The following ASAH1 variants were observed in gnomAD, a reference collection of about 807,000 sequenced individuals.
The protein encoded by ASAH1 is acid ceramidase.
A neutral mutation model predicts 59.5 loss-of-function variants in ASAH1; 70 were observed. That is an observed-to-expected ratio of 1.18 (90% confidence interval 0.97 to 1.43). The LOEUF (loss-of-function observed/expected upper bound fraction) is 1.43, where lower values mean the gene tolerates loss of function less well. ASAH1 is among the 40% of genes most tolerant of loss of function. ASAH1 has a pLI of 0.00. For missense variants in ASAH1, 660 were observed against 482.5 expected (o/e 1.37, Z -3.45); for synonymous variants, 213 against 166.5 (o/e 1.28, Z -2.15).
At position 18,057,631 on chromosome 8, in the gene ASAH1, A is replaced by C. The variant is rs774226930; in HGVS notation, c.1099-8T>G. The C allele has an allele frequency of 1.3e-6, 2 of 1,589,694 alleles. No individual in the cohort carries two copies. Among genetic ancestry groups the C allele is most frequent in the Admixed American group, 1.7e-5 (1 of 59,328 alleles). On this transcript the variant is annotated splice_region_variant and splice_polypyrimidine_tract_variant and intron_variant, in intron 13 of 13. Transcript: ENST00000637790. ...GGTTGTGTATACGGTCAGCTGAAAGAAAAGTTATTTTTACTTTAAGGACGT... is the reference window on the plus strand; with the variant it reads ...GGTTGTGTATACGGTCAGCTGAAAGCAAAGTTATTTTTACTTTAAGGACGT...
chr8:18,059,128 G>C (rs1799583384), intron 12 of ASAH1: 1 of 742,798 alleles, frequency 1.3e-6, no homozygotes, highest in South Asian at 1.8e-5. Context: ...CAACTTCAGA[G>C]TGGTATCCAG....
intron 13 of ASAH1, chr8:18,058,270 G>A (rs967853797): frequency 6.5e-6 from 1 of 154,270 alleles, no homozygotes; most frequent in African/African-American, 2.4e-5. Flanking sequence ...GGGTAAAGGC[G>A]GCATGTTTAC....
rs140500107 is a variant in ASAH1 at position 18,077,654 on chromosome 8, A to G, written c.79-2067T>C. 3.4e-3 allele frequency among the ~76,000 whole-genome samples: 523 copies of G among 152,310 alleles called. 2 individuals are homozygous for G. The highest frequency in any genetic ancestry group is 0.012 in the African/African-American group (511 of 41,564). On this transcript the variant is annotated intron_variant, in intron 1 of 13. Coordinates refer to ENST00000637790, the MANE Select transcript of ASAH1 (RefSeq NM_177924.5). ...CCCAAAGTCCAGGACAAGGGTTCTCAATGACATGTAAAATAATTTCATTTT... is the reference window on the plus strand; with the variant it reads ...CCCAAAGTCCAGGACAAGGGTTCTCGATGACATGTAAAATAATTTCATTTT...
At chr8:18,080,073 C>G (rs1019046103) in intron 1 of ASAH1, among the ~76,000 whole-genome samples, 1 of 152,180 alleles carries the variant, frequency 6.6e-6, no homozygotes, top group Non-Finnish European at 1.5e-5. Context: ...ATGGATTACA[C>G]CTGTGTGTTC....
At chr8:18,068,373 G>A (rs1800018415) in intron 4 of ASAH1, 1 of 152,296 alleles carries the variant, frequency 6.6e-6, no homozygotes, top group African/African-American at 2.4e-5. Flanking sequence ...CGGGGAACGT[G>A]GGGGCCTCAT....
intron 2 of ASAH1, among the ~76,000 whole-genome samples, chr8:18,072,813 A>G (rs576213973): frequency 5.7e-4 from 87 of 152,304 alleles, no homozygotes; most frequent in African/African-American, 2.0e-3. Flanking sequence ...TTCTATGTCT[A>G]GTAGCAAAGA....
chr8:18,082,607 C>T (rs1800698733), intron 1 of ASAH1: 1 of 152,218 alleles, frequency 6.6e-6, no homozygotes, highest in Non-Finnish European at 1.5e-5. Flanking sequence ...CAGAATTGCC[C>T]CACCTTCTAA....
chr8:18,059,639 C>A lies in ASAH1; in HGVS notation c.850G>T (p.Gly284Ter), dbSNP rs794729663. Residue 284 changes from glycine (G) to a stop codon, truncating the protein, a stop_gained, in exon 11 of 14, where the codon GGA becomes TGA. Coordinates refer to ENST00000637790, the MANE Select transcript of ASAH1 (RefSeq NM_177924.5). LOFTEE classifies it high-confidence loss of function. ...KILAPAYFILGGNQSGEGCVI... is the reference protein window; with the variant it reads ...KILAPAYFIL The stretch of plus-strand genomic sequence containing the variant: ...CAACCTTCCCCAGACTGGTTGCCTC[C>A]CAGGATAAAGTAGGCTGGGGCCAAT... 1 of 1,614,146 alleles carries A rather than the reference C, an allele frequency of 6.2e-7. No homozygotes were observed. The highest frequency in any genetic ancestry group is 8.5e-7 in the Non-Finnish European group (1 of 1,180,014).
At position 18,062,418 on chromosome 8, in the gene ASAH1, T is replaced by A; in HGVS notation, c.509A>T (p.Asn170Ile). ...TATGACCCAGGTATCATTATTTATG[T>A]TCCACCTATAAAAGACATGTTTCAG... Reference protein sequence around the residue: ...NMDFGVFLGWNINNDTWVITE... With the variant: ...NMDFGVFLGWIINNDTWVITE... The change falls in exon 8 of 14, where the codon AAC becomes ATC. Residue 170 changes from asparagine (N) to isoleucine (I), a missense_variant. Asn to Ile is a moderately radical substitution (Grantham distance 149). Transcript: ENST00000637790. 2 of 1,614,144 alleles carry A rather than the reference T, an allele frequency of 1.2e-6. No homozygotes were observed. The highest frequency in any genetic ancestry group is 8.5e-7 in the Non-Finnish European group (1 of 1,179,980).
At chr8:18,069,704 C>G (rs151119606) in intron 4 of ASAH1, 88 bp downstream of exon 4, 5 of 947,504 alleles carry the variant, frequency 5.3e-6, no homozygotes, top group East Asian at 2.5e-5. Flanking sequence ...CAAGTCCCTG[C>G]GAAGAGGTTG....
At chr8:18,072,033 T>G (rs1800196993) in intron 2 of ASAH1, among the ~76,000 whole-genome samples, 1 of 152,242 alleles carries the variant, frequency 6.6e-6, no homozygotes, top group Non-Finnish European at 1.5e-5. Context: ...TTAACTTACG[T>G]GCAGCAATTT....
intron 1 of ASAH1, among the ~76,000 whole-genome samples, chr8:18,080,259 G>C (rs796921181): frequency 1.3e-5 from 2 of 152,330 alleles, no homozygotes; most frequent in African/African-American, 4.8e-5. Context: ...GCATAAAAAT[G>C]AGTTTACAAG....
At chr8:18,062,850 C>A (rs7387916) in intron 7 of ASAH1, 110,841 of 332,038 alleles carry the variant, frequency 0.33, 20,959 homozygotes, top group South Asian at 0.49. Flanking sequence ...TTCCTACAGA[C>A]CAAAACAGTT....
intron 2 of ASAH1, among the ~76,000 whole-genome samples, chr8:18,074,275 A>G (rs142455529): frequency 5.2e-4 from 79 of 151,580 alleles, no homozygotes; most frequent in African/African-American, 1.7e-3. Flanking sequence ...ACAGCAGGCC[A>G]TTGAAGAAAG....
At chr8:18,064,155 T>G in intron 6 of ASAH1, 1 of 529,224 alleles carries the variant, frequency 1.9e-6, no homozygotes, top group Non-Finnish European at 3.3e-6. Flanking sequence ...TGCGAGCACT[T>G]CCATCAAAGC....
chr8:18,084,288 T>A, upstream of ASAH1: 3 of 1,435,538 alleles, frequency 2.1e-6, no homozygotes, highest in Non-Finnish European at 9.1e-7. Context: ...CCAGGCTACC[T>A]GCAGAAGGAG....
chr8:18,064,819 G>A (rs180688760), intron 5 of ASAH1: 9 of 335,122 alleles, frequency 2.7e-5, no homozygotes, highest in African/African-American at 1.9e-4. Flanking sequence ...GCTTCATTTT[G>A]AATTTTCTTT....
chr8:18,084,512 T>C (rs112230670), upstream of ASAH1: 5,850 of 1,359,430 alleles, frequency 4.3e-3, 193 homozygotes, highest in African/African-American at 0.072. Context: ...TCAACACTAA[T>C]GTAACATCCC....
At chr8:18,068,969 G>A (rs988879758) in intron 4 of ASAH1, among the ~76,000 whole-genome samples, 5 of 151,950 alleles carry the variant, frequency 3.3e-5, no homozygotes, top group Non-Finnish European at 7.4e-5. Flanking sequence ...GCAAGCCTCC[G>A]TCTCTACTAA....
Sources: allele counts gnomAD v4.1 joint callset (sites outside exome capture counted in the v4.1 genomes callset), GRCh38; gene constraint gnomAD v4.1.1; transcripts MANE v1.5; gene names NCBI Gene and HGNC (gene_info 2026-07-23, HGNC 2026-07-21).